The following GMDS variants were observed in gnomAD, a reference collection of about 807,000 sequenced individuals.
GMDS encodes the protein GDP-mannose 4,6 dehydratase.
In GMDS, 20 loss-of-function variants were observed where a neutral mutation model predicts 49.9. The observed-to-expected ratio is 0.40, with a 90% confidence interval of 0.28 to 0.58. The LOEUF is 0.58. Ranked by LOEUF, GMDS falls within the 20% of genes least tolerant of loss-of-function variation. The pLI is 0.42. For missense variants in GMDS, 362 were observed against 481.4 expected, an observed-to-expected ratio of 0.75 and a Z score of 2.32; for synonymous variants, 177 against 178.6, an observed-to-expected ratio of 0.99 and a Z score of 0.07.
chr6:2,111,083 T>C (rs1296393796), intron 4 of GMDS, among the ~76,000 whole-genome samples: 4 of 152,040 alleles, frequency 2.6e-5, no homozygotes, highest in African/African-American at 9.7e-5. Context: ...ACTTTGAAAA[T>C]GACATTAAGA....
chr6:2,010,002 C>A (rs748118228), intron 4 of GMDS, among the ~76,000 whole-genome samples: 1 of 152,072 alleles, frequency 6.6e-6, no homozygotes, highest in East Asian at 1.9e-4. Context: ...AGAAACCCAA[C>A]GAACCCTGAG....
intron 1 of GMDS, among the ~76,000 whole-genome samples, chr6:2,182,245 A>G (rs994777969): frequency 6.6e-6 from 1 of 152,270 alleles, no homozygotes; most frequent in African/African-American, 2.4e-5. Flanking sequence ...GCTGGAAGCT[A>G]GCACAGGTTG....
chr6:2,103,468 C>T (rs1774042463), intron 4 of GMDS, among the ~76,000 whole-genome samples: 2 of 151,988 alleles, frequency 1.3e-5, no homozygotes, highest in African/African-American at 4.8e-5. Flanking sequence ...TACTAAAATT[C>T]CTGAGAGTAG....
chr6:1,661,166 G>A (rs1290970288), intron 9 of GMDS, among the ~76,000 whole-genome samples: 1 of 152,094 alleles, frequency 6.6e-6, no homozygotes, highest in Non-Finnish European at 1.5e-5. Flanking sequence ...GCTGTAACTG[G>A]CCTGAAGTCT....
intron 4 of GMDS, among the ~76,000 whole-genome samples, chr6:2,004,071 T>C (rs1165535678): frequency 2.6e-5 from 4 of 152,236 alleles, no homozygotes; most frequent in Admixed American, 6.5e-5. Context: ...CTTTGAAATA[T>C]ACAAAATAGT....
intron 9 of GMDS, among the ~76,000 whole-genome samples, chr6:1,652,410 T>A (rs796863879): frequency 0.053 from 49 of 932 alleles, 4 homozygotes; most frequent in Middle Eastern, 0.5. Flanking sequence ...ATATATATAT[T>A]ATATATAATA....
chr6:1,991,523 C>T (rs1765938253), intron 4 of GMDS, among the ~76,000 whole-genome samples: 1 of 152,160 alleles, frequency 6.6e-6, no homozygotes, highest in African/African-American at 2.4e-5. Context: ...GCTTGACTGC[C>T]AAGTCCAATA....
intron 7 of GMDS, among the ~76,000 whole-genome samples, chr6:1,806,404 C>T (rs1165220539): frequency 6.6e-6 from 1 of 151,706 alleles, no homozygotes; most frequent in Non-Finnish European, 1.5e-5. Context: ...GATGGGTGCT[C>T]TATCAACTGT....
chr6:2,100,338 T>C (rs1171338238), intron 4 of GMDS, among the ~76,000 whole-genome samples: 1 of 152,086 alleles, frequency 6.6e-6, no homozygotes, highest in Non-Finnish European at 1.5e-5. Flanking sequence ...AGTTATCTTT[T>C]GGATTTATTA....
chr6:1,817,011 T>C (rs575544482), intron 7 of GMDS, among the ~76,000 whole-genome samples: 97 of 150,144 alleles, frequency 6.5e-4, no homozygotes, highest in African/African-American at 2.3e-3. Flanking sequence ...CTAAAAAAAT[T>C]TGTCATTAGT....
intron 7 of GMDS, among the ~76,000 whole-genome samples, chr6:1,838,523 T>C (rs1207265036): frequency 6.6e-6 from 1 of 152,226 alleles, no homozygotes; most frequent in African/African-American, 2.4e-5. Context: ...TAAATTTACC[T>C]CTGTGAAATT....
At chr6:1,624,612 G>A (rs879182515) in intron 9 of GMDS, 72 bp from the exon 10 acceptor site, 14 of 1,058,058 alleles carry the variant, frequency 1.3e-5, no homozygotes, top group African/African-American at 4.7e-5. Flanking sequence ...CGAGCCCCGG[G>A]AACTCCCACC....
At chr6:2,162,659 A>AACACGC (rs1491203890) in intron 1 of GMDS, among the ~76,000 whole-genome samples, 3 of 135,728 alleles carry the variant, frequency 2.2e-5, no homozygotes, top group Non-Finnish European at 4.8e-5. Flanking sequence ...ATAACATTCC[A>AACACGC]ACACACACAC....
intron 9 of GMDS, among the ~76,000 whole-genome samples, chr6:1,656,622 G>A (rs1271818975): frequency 6.6e-6 from 1 of 152,030 alleles, no homozygotes; most frequent in African/African-American, 2.4e-5. Flanking sequence ...AAATTAGCTG[G>A]GTGTGGTGGT....
chr6:1,688,253 G>T (rs1765054272), intron 9 of GMDS, among the ~76,000 whole-genome samples: 1 of 152,210 alleles, frequency 6.6e-6, no homozygotes, highest in Non-Finnish European at 1.5e-5. Flanking sequence ...ACCAGCATTT[G>T]CTGAGCACCT....
intron 9 of GMDS, among the ~76,000 whole-genome samples, chr6:1,669,077 G>T (rs960837447): frequency 5.3e-5 from 8 of 152,196 alleles, no homozygotes; most frequent in African/African-American, 1.9e-4. Flanking sequence ...TAATACCAAG[G>T]TCTAAGGAAA....
intron 7 of GMDS, among the ~76,000 whole-genome samples, chr6:1,895,676 A>G (rs1760127322): frequency 6.6e-6 from 1 of 152,196 alleles, no homozygotes; most frequent in African/African-American, 2.4e-5. Flanking sequence ...GGTCATTATC[A>G]AATAGAAATG....
chr6:1,651,768 T>A (rs1290922887), intron 9 of GMDS, among the ~76,000 whole-genome samples: 1 of 152,156 alleles, frequency 6.6e-6, no homozygotes, highest in East Asian at 1.9e-4. Context: ...CACAGAGTTG[T>A]AAGGAAGTAA....
At chr6:1,814,742 T>A (rs1770586477) in intron 7 of GMDS, among the ~76,000 whole-genome samples, 1 of 152,222 alleles carries the variant, frequency 6.6e-6, no homozygotes, top group African/African-American at 2.4e-5. Context: ...TGTACGTAAA[T>A]ATATATATAT....
Sources: allele counts gnomAD v4.1 joint callset (sites outside exome capture counted in the v4.1 genomes callset), GRCh38; gene constraint gnomAD v4.1.1; transcripts MANE v1.5; gene names NCBI Gene and HGNC (gene_info 2026-07-23, HGNC 2026-07-21).